DTD1: variants seen among roughly 807,000 people sequenced by gnomAD.
DTD1 encodes the protein D-aminoacyl-tRNA deacylase 1.
Under a neutral mutation model 25.6 loss-of-function variants are expected in DTD1, and 13 were observed. The observed-to-expected ratio is 0.51, with a 90% CI of 0.33 to 0.81. The LOEUF (loss-of-function observed/expected upper bound fraction) is 0.81, where lower values mean the gene tolerates loss of function less well. Among genes scored for constraint, DTD1 ranks in the 30% least tolerant of loss-of-function variants. The pLI is 0.02. For synonymous variants in DTD1, 110 were observed against 103.6 expected (o/e 1.06, Z -0.37); for missense variants, 193 against 266.4 (o/e 0.72, Z 1.92).
At chr20:18,659,271 C>T (rs914587491) in intron 4 of DTD1, among the ~76,000 whole-genome samples, 6 of 152,222 alleles carry the variant, frequency 3.9e-5, no homozygotes, top group African/African-American at 1.4e-4. Flanking sequence ...AAAGCAGTGC[C>T]CAGCACTGGT....
chr20:18,700,231 A>C (rs575100437), intron 4 of DTD1, among the ~76,000 whole-genome samples: 1 of 152,366 alleles, frequency 6.6e-6, no homozygotes, highest in Non-Finnish European at 1.5e-5. Flanking sequence ...CACTTGGTCA[A>C]GATGGTATCA....
intron 3 of DTD1, among the ~76,000 whole-genome samples, chr20:18,619,143 C>A (rs900444458): frequency 6.6e-6 from 1 of 152,156 alleles, no homozygotes; most frequent in African/African-American, 2.4e-5. Flanking sequence ...CCTCCCCTGG[C>A]CTGTTCATTT....
intron 4 of DTD1, among the ~76,000 whole-genome samples, chr20:18,642,338 C>T (rs917165912): frequency 6.6e-6 from 1 of 152,260 alleles, no homozygotes; most frequent in Non-Finnish European, 1.5e-5. Flanking sequence ...TTCATTGTCT[C>T]AAGGTCTGCT....
intron 5 of DTD1, 40 bp downstream of exon 5, chr20:18,744,311 G>C (rs917908855): frequency 1.3e-6 from 2 of 1,596,050 alleles, no homozygotes; most frequent in Non-Finnish European, 1.7e-6. Flanking sequence ...CCCACATTTT[G>C]GGGAAGCAGC....
intron 3 of DTD1, among the ~76,000 whole-genome samples, chr20:18,598,166 G>C (rs1477929485): frequency 1.3e-5 from 2 of 151,484 alleles, no homozygotes; most frequent in Middle Eastern, 3.4e-3. Flanking sequence ...CCCCTCAACA[G>C]GTCCCGGTGT....
In DTD1 at chr20:18,765,504, C is replaced by G. The variant is rs1049357780; in HGVS notation, c.*2164C>G. 2.0e-5 allele frequency: 3 copies of G among 152,180 alleles called. No individual in the cohort carries two copies. The highest frequency in any genetic ancestry group is 4.8e-5 in the African/African-American group (2 of 41,438). The allele number at this position is 152,180 out of a possible 1,614,324, so 9.4% of individuals were successfully genotyped here. A position where few individuals can be genotyped will look rare whatever the true frequency, so the allele number is the denominator to read the frequency against. Reference sequence around the variant, plus strand: ...GGATTGAAGAGAACTTTTCCATCATCCTGAAAATCACTTTCAACTCCTGGG... The same window carrying G: ...GGATTGAAGAGAACTTTTCCATCATGCTGAAAATCACTTTCAACTCCTGGG... On this transcript the variant is annotated 3_prime_UTR_variant, in exon 6 of 6. Transcript: ENST00000377452.
chr20:18,700,493 CT>C lies in DTD1; in HGVS notation c.478-43594del, dbSNP rs11481533. 9.7e-3 allele frequency among the ~76,000 whole-genome samples: 1,413 copies of C among 145,104 alleles called. 9 individuals carry two copies. The highest frequency in any genetic ancestry group is 0.014 in the Non-Finnish European group (911 of 66,150). On this transcript the variant is annotated intron_variant, in intron 4 of 5. Coordinates refer to ENST00000377452, the MANE Select transcript of DTD1 (RefSeq NM_080820.6). Reference sequence around the variant, plus strand: ...AATTTCCTGTGCAAATAGTGGTGACCTTTTTTTTTTTTTAATTTTTGATTTT... The same window carrying C: ...AATTTCCTGTGCAAATAGTGGTGACCTTTTTTTTTTTTAATTTTTGATTTT...
chr20:18,593,223 A>C (rs1323014639), intron 1 of DTD1, among the ~76,000 whole-genome samples: 1 of 152,168 alleles, frequency 6.6e-6, no homozygotes, highest in Admixed American at 6.5e-5. Context: ...TGTGATTTTT[A>C]TGTATTATGT....
intron 4 of DTD1, among the ~76,000 whole-genome samples, chr20:18,639,515 C>G (rs185172936): frequency 6.6e-6 from 1 of 152,086 alleles, no homozygotes. Flanking sequence ...GCTCCAGAGG[C>G]GGAGTGGAAG....
intron 4 of DTD1, among the ~76,000 whole-genome samples, chr20:18,691,195 C>A (rs531294838): frequency 1.4e-4 from 21 of 152,304 alleles, no homozygotes; most frequent in African/African-American, 4.3e-4. Context: ...CTGTGGAAAG[C>A]AGTTTGGAGA....
chr20:18,629,649 G>GT (rs1783893509), intron 4 of DTD1, among the ~76,000 whole-genome samples: 1 of 150,792 alleles, frequency 6.6e-6, no homozygotes, highest in African/African-American at 2.4e-5. Flanking sequence ...TTTTGTTTCT[G>GT]TATTAGTTTA....
chr20:18,705,774 G>A (rs1272333492), intron 4 of DTD1, among the ~76,000 whole-genome samples: 2 of 152,126 alleles, frequency 1.3e-5, no homozygotes, highest in Non-Finnish European at 2.9e-5. Context: ...GCCAAAGGTT[G>A]GAAACATTGT....
intron 4 of DTD1, among the ~76,000 whole-genome samples, chr20:18,663,355 T>TAA (rs905605039): frequency 6.9e-6 from 1 of 145,110 alleles, no homozygotes; most frequent in East Asian, 2.0e-4. Context: ...TCTGTATCTA[T>TAA]AAAAAAAAAA....
chr20:18,708,279 TATATATTATATATATATA>T (rs2061140824), intron 4 of DTD1, among the ~76,000 whole-genome samples: 4 of 36,412 alleles, frequency 1.1e-4, no homozygotes, highest in African/African-American at 3.6e-4. Flanking sequence ...ATATATATAA[TATATATTATATATATATA>T]ATATATATAT....
At chr20:18,655,284 T>C (rs2060887605) in intron 4 of DTD1, among the ~76,000 whole-genome samples, 1 of 152,230 alleles carries the variant, frequency 6.6e-6, no homozygotes, top group Non-Finnish European at 1.5e-5. Context: ...TTTATGTGAA[T>C]GATTATAGTA....
At chr20:18,612,246 G>T (rs1468290047) in intron 3 of DTD1, among the ~76,000 whole-genome samples, 1 of 151,646 alleles carries the variant, frequency 6.6e-6, no homozygotes, top group Non-Finnish European at 1.5e-5. Context: ...GTTTTAGCCG[G>T]GATGGTCTCA....
intron 4 of DTD1, among the ~76,000 whole-genome samples, chr20:18,651,514 T>C (rs2089702743): frequency 6.6e-6 from 1 of 152,226 alleles, no homozygotes; most frequent in South Asian, 2.1e-4. Flanking sequence ...TGTGGCTCCT[T>C]TGCCTCCAGT....
At chr20:18,589,004 T>G (rs1318697219) in intron 1 of DTD1, 1 of 544,218 alleles carries the variant, frequency 1.8e-6, no homozygotes, top group Non-Finnish European at 2.3e-6. Context: ...TATCCTGTCC[T>G]TGGAGCCAGT....
chr20:18,588,796 T>C (rs1162700366), intron 1 of DTD1: 1 of 985,356 alleles, frequency 1.0e-6, no homozygotes, highest in Non-Finnish European at 1.2e-6. Flanking sequence ...ACCCGACCCC[T>C]GGTCATCACT....
Sources: allele counts gnomAD v4.1 joint callset (sites outside exome capture counted in the v4.1 genomes callset), GRCh38; gene constraint gnomAD v4.1.1; transcripts MANE v1.5; gene names NCBI Gene and HGNC (gene_info 2026-07-23, HGNC 2026-07-21).